Variants in ARHGAP24 observed in about 807,000 individuals in gnomAD.
ARHGAP24 encodes the protein rho GTPase-activating protein 24.
ARHGAP24 carries 50 observed loss-of-function variants against 76.4 expected under a neutral mutation model. That is an observed-to-expected ratio of 0.65 (90% CI 0.52 to 0.83). The LOEUF (loss-of-function observed/expected upper bound fraction) is 0.83. Ranked by LOEUF, ARHGAP24 falls within the 40% of genes least tolerant of loss-of-function variation. The pLI, the probability that ARHGAP24 is intolerant of heterozygous loss-of-function variation, is 0.00. For synonymous variants in ARHGAP24, 345 were observed against 323.3 expected (o/e 1.07, Z -0.72); for missense variants, 930 against 914.2 (o/e 1.02, Z -0.22).
chr4:85,495,432 G>GCGT (rs1410860267), intron 1 of ARHGAP24, among the ~76,000 whole-genome samples: 1 of 134,762 alleles, frequency 7.4e-6, no homozygotes, highest in Non-Finnish European at 1.5e-5. Flanking sequence ...CTCACTGCAA[G>GCGT]CCTTGCCTCC....
chr4:85,604,611 G>A (rs28417307), intron 2 of ARHGAP24, among the ~76,000 whole-genome samples: 1,714 of 152,214 alleles, frequency 0.011, 37 homozygotes, highest in African/African-American at 0.039. Flanking sequence ...TTGAGATGGG[G>A]TCTCACTCTG....
chr4:85,863,042 C>T lies in ARHGAP24; in HGVS notation c.269-60606C>T, dbSNP rs187518899. Among the ~76,000 whole-genome samples the T allele has an allele frequency of 2.8e-3, 429 of 152,188 alleles. 2 individuals carry two copies. The highest frequency in any genetic ancestry group is 7.0e-3 in the African/African-American group (289 of 41,548). ...TTCCTCCCCTGCTTGGAGCTGCCTG[C>T]GCTCCTCACCATGGCTTATAGAAGT... On this transcript the variant is annotated intron_variant, in intron 3 of 9. Transcript: ENST00000395184.
chr4:85,599,126 C>G (rs1719946900), intron 2 of ARHGAP24, among the ~76,000 whole-genome samples: 1 of 152,082 alleles, frequency 6.6e-6, no homozygotes, highest in African/African-American at 2.4e-5. Flanking sequence ...CAACACAAGT[C>G]TAAATGGTTT....
rs111843444 is a variant in ARHGAP24, at chr4:85,575,625, G to A, written c.180+4904G>A. Reference sequence around the variant, plus strand: ...AATCATGACAAATGACCATGGCCTTGTCAATACAATAACATGGGGGGAGCA... The same window carrying A: ...AATCATGACAAATGACCATGGCCTTATCAATACAATAACATGGGGGGAGCA... On this transcript the variant is annotated intron_variant, in intron 2 of 9. Transcript: ENST00000395184. Among the ~76,000 whole-genome samples the A allele has an allele frequency of 1.4e-4, 22 of 152,262 alleles. 1 individual carries two copies. The highest frequency in any genetic ancestry group is 5.3e-4 in the African/African-American group (22 of 41,532).
intron 3 of ARHGAP24, among the ~76,000 whole-genome samples, chr4:85,877,322 T>C (rs1449972391): frequency 6.6e-6 from 1 of 152,090 alleles, no homozygotes; most frequent in Non-Finnish European, 1.5e-5. Context: ...GAAATACCAG[T>C]TTAAGAATAT....
chr4:85,701,386 G>A (rs891949084), intron 2 of ARHGAP24, among the ~76,000 whole-genome samples: 1 of 151,978 alleles, frequency 6.6e-6, no homozygotes, highest in African/African-American at 2.4e-5. Context: ...TCACCTGAGC[G>A]CTGTACACTG....
rs1397940919 is a variant in ARHGAP24, at chr4:86,000,938, T to G, written c.*216T>G. 1.1e-5 allele frequency: 7 copies of G among 644,196 alleles called. No homozygotes were observed. Among genetic ancestry groups the G allele is most frequent in the Non-Finnish European group, 1.8e-5 (7 of 386,890 alleles). The allele number at this position is 644,196 out of a possible 1,614,324, so 39.9% of individuals were successfully genotyped here. A position where few individuals can be genotyped will look rare whatever the true frequency, so the allele number is the denominator to read the frequency against. ...CTGTCAAGTGTTACAACTGGATATGTGTATATAGAGTAGTTTTTCAAAAGT... is the reference window on the plus strand; with the variant it reads ...CTGTCAAGTGTTACAACTGGATATGGGTATATAGAGTAGTTTTTCAAAAGT... On this transcript the variant is annotated 3_prime_UTR_variant, in exon 10 of 10. Coordinates refer to ENST00000395184, the MANE Select transcript of ARHGAP24 (RefSeq NM_001025616.3).
intron 2 of ARHGAP24, among the ~76,000 whole-genome samples, chr4:85,697,797 T>C (rs1723925081): frequency 6.6e-6 from 1 of 152,068 alleles, no homozygotes; most frequent in Non-Finnish European, 1.5e-5. Context: ...GATGTTTCTG[T>C]GTGAGGTGGA....
At chr4:85,654,330 ACT>A (rs1448275911) in intron 2 of ARHGAP24, among the ~76,000 whole-genome samples, 1 of 151,920 alleles carries the variant, frequency 6.6e-6, no homozygotes, top group African/African-American at 2.4e-5. Context: ...TACCCTTATG[ACT>A]CTATGCAACC....
chr4:85,544,800 A>T (rs1432442686), intron 1 of ARHGAP24, among the ~76,000 whole-genome samples: 1 of 151,854 alleles, frequency 6.6e-6, no homozygotes, highest in Non-Finnish European at 1.5e-5. Flanking sequence ...AATTGTTACA[A>T]CTCCCTGCCT....
chr4:85,575,505 C>T (rs1308859869), intron 2 of ARHGAP24, among the ~76,000 whole-genome samples: 5 of 152,100 alleles, frequency 3.3e-5, no homozygotes, highest in Admixed American at 6.5e-5. Flanking sequence ...CCTCCTACGC[C>T]GCACACCCCA....
At chr4:85,799,654 C>T (rs1015965689) in intron 3 of ARHGAP24, among the ~76,000 whole-genome samples, 1 of 152,062 alleles carries the variant, frequency 6.6e-6, no homozygotes, top group African/African-American at 2.4e-5. Flanking sequence ...TGAAGTGGAA[C>T]CAGTAAATTT....
At chr4:85,935,923 A>T (rs367852095) in intron 4 of ARHGAP24, among the ~76,000 whole-genome samples, 8 of 152,254 alleles carry the variant, frequency 5.3e-5, no homozygotes, top group African/African-American at 1.9e-4. Flanking sequence ...GTTACGATAG[A>T]CCCTGAGCTC....
intron 3 of ARHGAP24, among the ~76,000 whole-genome samples, chr4:85,758,314 G>GA (rs1366205013): frequency 6.6e-6 from 1 of 152,136 alleles, no homozygotes; most frequent in Non-Finnish European, 1.5e-5. Context: ...CCCATGCGAG[G>GA]AATCAAGCCA....
chr4:85,539,402 C>T (rs1389773810), intron 1 of ARHGAP24, among the ~76,000 whole-genome samples: 3 of 152,054 alleles, frequency 2.0e-5, no homozygotes, highest in Admixed American at 6.6e-5. Context: ...CACTGTCTTA[C>T]TTTTTCAAAC....
Position 85,842,705 on chromosome 4 carries a change from C to A in ARHGAP24, c.269-80943C>A, listed in dbSNP as rs560165324. 1.2e-4 allele frequency among the ~76,000 whole-genome samples: 18 copies of A among 152,326 alleles called. No individual in the cohort carries two copies. In the East Asian group the frequency reaches 1.5e-3, roughly 13 times the overall value. On this transcript the variant is annotated intron_variant, in intron 3 of 9. Transcript: ENST00000395184. ...GTTTGTAGAAAGCCTGTGATGTCTG[C>A]ATTACCAGCTGTCTGGAAAAAGGAG...
chr4:85,478,810 T>C (rs901956172), intron 1 of ARHGAP24, among the ~76,000 whole-genome samples: 2 of 152,244 alleles, frequency 1.3e-5, no homozygotes, highest in African/African-American at 2.4e-5. Flanking sequence ...TGGAACTTCC[T>C]TCGGGAAAAC....
chr4:85,570,372 TTCTTTCTTTCTTTCTTTCTTTC>T, intron 1 of ARHGAP24, 128 bp from the exon 2 acceptor site: 8 of 5,950 alleles, frequency 1.3e-3, no homozygotes, highest in Non-Finnish European at 2.7e-3. Flanking sequence ...TTCTCTTTCT[TTCTTTCTTTCTTTCTTTCTTTC>T]TTTCTTTCTT....
chr4:85,613,683 C>A (rs552868148), intron 2 of ARHGAP24, among the ~76,000 whole-genome samples: 2 of 152,288 alleles, frequency 1.3e-5, no homozygotes, highest in East Asian at 3.9e-4. Flanking sequence ...TTTTAATATA[C>A]TAGCCAGGAA....
Sources: allele counts gnomAD v4.1 joint callset (sites outside exome capture counted in the v4.1 genomes callset), GRCh38; gene constraint gnomAD v4.1.1; transcripts MANE v1.5; gene names NCBI Gene and HGNC (gene_info 2026-07-23, HGNC 2026-07-21).